FNTB: variants seen among roughly 807,000 people sequenced by gnomAD.
The protein encoded by FNTB is farnesyltransferase, CAAX box, subunit beta, also known as protein farnesyltransferase subunit beta.
In FNTB, 27 loss-of-function variants were observed where a neutral mutation model predicts 59.4. The observed-to-expected ratio is 0.45, with a 90% confidence interval of 0.34 to 0.63. The LOEUF (loss-of-function observed/expected upper bound fraction) is 0.63. FNTB is among the 20% of genes least tolerant of loss of function. The pLI, the probability that FNTB is intolerant of heterozygous loss-of-function variation, is 0.02. For synonymous variants in FNTB, 230 were observed against 220.7 expected (o/e 1.04, Z -0.37); for missense variants, 449 against 559.6 (o/e 0.80, Z 1.99).
At chr14:65,006,864 T>C (rs145805560) in intron 2 of FNTB, among the ~76,000 whole-genome samples, 53 of 152,214 alleles carry the variant, frequency 3.5e-4, no homozygotes, top group African/African-American at 1.3e-3. Context: ...GAGGAAGCAG[T>C]TGTTTTTTGA....
intron 1 of FNTB, chr14:64,987,409 G>A (rs1358818835): frequency 2.3e-6 from 1 of 437,250 alleles, no homozygotes; most frequent in South Asian, 2.4e-5. Context: ...CGTGCGGGTC[G>A]GACAGCCCAC....
At position 65,061,278 on chromosome 14, in the gene FNTB, A is replaced by G; in HGVS notation, c.1280A>G (p.Lys427Arg). 1 of 1,614,162 alleles carries G rather than the reference A, an allele frequency of 6.2e-7. No individual in the cohort carries two copies. The highest frequency in any genetic ancestry group is 8.5e-7 in the Non-Finnish European group (1 of 1,180,016). The change falls in exon 12 of 12, where the codon AAG (lysine) becomes AGG (arginine). Residue 427 changes from lysine to arginine, a missense_variant. Physicochemically the swap from Lys to Arg is conservative, Grantham distance 26. Transcript: ENST00000246166. ...CCAGTCCCAGGTTTTGAGGAGCTTA[A>G]GGATGAGACATCGGCAGAGCCTGCA... Reference protein sequence around the residue: ...QKPVPGFEELKDETSAEPATD With the variant: ...QKPVPGFEELRDETSAEPATD
chr14:65,040,390 A>G (rs1450858099), intron 7 of FNTB, among the ~76,000 whole-genome samples: 1 of 151,444 alleles, frequency 6.6e-6, no homozygotes, highest in Non-Finnish European at 1.5e-5. Flanking sequence ...TGTTTCTTAC[A>G]CAAGTAGGCT....
intron 2 of FNTB, among the ~76,000 whole-genome samples, chr14:65,008,459 C>G (rs915041680): frequency 6.6e-6 from 1 of 152,316 alleles, no homozygotes; most frequent in Non-Finnish European, 1.5e-5. Context: ...GGCTCTTGGT[C>G]TAGTGGGGGA....
intron 4 of FNTB, chr14:65,022,172 G>C (rs183227530): frequency 2.4e-6 from 1 of 425,108 alleles, no homozygotes; most frequent in Non-Finnish European, 4.8e-6. Context: ...TAGTTAGTAC[G>C]AGAACAAGCT....
At position 65,044,016 on chromosome 14, in the gene FNTB, C is replaced by T. The variant is rs548284594; in HGVS notation, c.823-295C>T. ...AGGTCTCCTTACAAACCAGCTTGGC[C>T]TCTTTATCTTCTCAGCACTGGCACT... On this transcript the variant is annotated intron_variant, in intron 8 of 11. Coordinates refer to ENST00000246166, the MANE Select transcript of FNTB (RefSeq NM_002028.4). The surrounding 1 kb of genome is among the most constrained non-coding windows in gnomAD (Gnocchi z 5.5). Among the ~76,000 whole-genome samples the T allele has an allele frequency of 2.6e-5, 4 of 152,276 alleles. No individual in the cohort carries two copies. In the South Asian group the frequency reaches 8.3e-4, roughly 32 times the overall value.
intron 2 of FNTB, among the ~76,000 whole-genome samples, chr14:65,005,449 T>TTTCC (rs2061565329): frequency 1.7e-5 from 2 of 119,814 alleles, no homozygotes; most frequent in Non-Finnish European, 3.5e-5. Flanking sequence ...TCTTCCTTTC[T>TTTCC]TTTCTTTCTT....
intron 1 of FNTB, chr14:65,003,192 T>C (rs891927367): frequency 2.6e-5 from 4 of 152,244 alleles, no homozygotes; most frequent in Admixed American, 6.5e-5. Context: ...TTTATGGGAC[T>C]GTGGAGTCCT....
At chr14:65,006,358 C>T (rs1387789568) in intron 2 of FNTB, 5 of 1,592,772 alleles carry the variant, frequency 3.1e-6, no homozygotes, top group Non-Finnish European at 4.3e-6. Context: ...CAAATCTCTG[C>T]ATTAACCCAA....
chr14:65,051,825 C>T (rs1229981849), intron 9 of FNTB, among the ~76,000 whole-genome samples: 14 of 142,878 alleles, frequency 9.8e-5, no homozygotes, highest in Middle Eastern at 3.7e-3. Flanking sequence ...GATGGAGTCT[C>T]GCTGTGTCGC....
Position 65,032,702 on chromosome 14 carries a change from A to T in FNTB, c.692+6A>T, listed in dbSNP as rs201716333. On this transcript the variant is annotated splice_donor_region_variant and intron_variant, in intron 7 of 11. Coordinates refer to ENST00000246166, the MANE Select transcript of FNTB (RefSeq NM_002028.4). This position sits in a 1 kb window ranked among gnomAD's most constrained non-coding sequence, Gnocchi z 5.0. ...ACTGCTGAATGGATAGCAAGGTGAG[A>T]GAAGCCAGGGTTTCTCCTGGCCTCT... 29 of 1,613,060 alleles carry T rather than the reference A, an allele frequency of 1.8e-5. No individual in the cohort carries two copies. In the Middle Eastern group the frequency reaches 1.8e-3, roughly 101 times the overall value.
rs191564317 is a variant in FNTB at position 64,993,933 on chromosome 14, G to A, written c.144+6836G>A. 5.6e-3 allele frequency among the ~76,000 whole-genome samples: 853 copies of A among 151,390 alleles called. 10 individuals carry two copies. The highest frequency in any genetic ancestry group is 0.019 in the African/African-American group (800 of 41,152). On this transcript the variant is annotated intron_variant, in intron 1 of 11. Coordinates refer to ENST00000246166, the MANE Select transcript of FNTB (RefSeq NM_002028.4). Reference sequence around the variant, plus strand: ...TGCAGTGGTGCGATCTCCACTCACCGTAACCTCCGCCTCCTGGGTTCAAGC... The same window carrying A: ...TGCAGTGGTGCGATCTCCACTCACCATAACCTCCGCCTCCTGGGTTCAAGC...
rs1426252910 is a variant in FNTB, at chr14:65,009,794, C to G, written c.210-2523C>G. Among the ~76,000 whole-genome samples the G allele has an allele frequency of 2.6e-5, 4 of 152,194 alleles. No individual in the cohort carries two copies. The highest frequency in any genetic ancestry group is 4.8e-5 in the African/African-American group (2 of 41,436). On this transcript the variant is annotated intron_variant, in intron 2 of 11. Coordinates refer to ENST00000246166, the MANE Select transcript of FNTB (RefSeq NM_002028.4). The surrounding 1 kb of genome is among the most constrained non-coding windows in gnomAD (Gnocchi z 4.2). ...ACTCATGTCTTTCCAGCCTTAAACT[C>G]AATGCTCTTCCCTTTGGGAAGAGTT...
intron 9 of FNTB, among the ~76,000 whole-genome samples, chr14:65,050,333 C>T (rs1374969877): frequency 2.0e-5 from 3 of 152,192 alleles, no homozygotes; most frequent in East Asian, 1.9e-4. Context: ...TGGTGGCTCA[C>T]GCCTGTAATC....
chr14:65,042,899 A>C (rs1405485545), intron 8 of FNTB, among the ~76,000 whole-genome samples: 1 of 152,146 alleles, frequency 6.6e-6, no homozygotes, highest in African/African-American at 2.4e-5. Context: ...TCAACCGAGG[A>C]TATATTAGTA....
chr14:65,060,575 A>C lies in FNTB; in HGVS notation c.1183-606A>C, dbSNP rs1435213814. Among the ~76,000 whole-genome samples the C allele has an allele frequency of 3.2e-5, 4 of 125,850 alleles. 1 individual carries two copies. Among genetic ancestry groups the C allele is most frequent in the African/African-American group, 9.1e-5 (2 of 22,098 alleles). The allele number at this position is 125,850 out of a possible 152,430, so 82.6% of individuals were successfully genotyped here. ...GCCGGGCGTAGTGGCGGGCGCCTGT[A>C]GTCCCAGCTACTTGGGAGGCTGAGG... On this transcript the variant is annotated intron_variant, in intron 11 of 11. Transcript: ENST00000246166.
At position 64,994,866 on chromosome 14, in the gene FNTB, C is replaced by T. The variant is rs193098483; in HGVS notation, c.144+7769C>T. 1.5e-3 allele frequency among the ~76,000 whole-genome samples: 226 copies of T among 152,190 alleles called. 1 individual carries two copies. Among genetic ancestry groups the T allele is most frequent in the Admixed American group, 4.5e-3 (69 of 15,288 alleles). ...TTAAGCTACACTAAATTTATTCATA[C>T]GCTTTTTTCTTTCAATAATAAATTA... On this transcript the variant is annotated intron_variant, in intron 1 of 11. Transcript: ENST00000246166. The surrounding 1 kb of genome is among the most constrained non-coding windows in gnomAD (Gnocchi z 4.2).
chr14:65,022,804 G>C (rs1463863529), intron 4 of FNTB, among the ~76,000 whole-genome samples: 1 of 151,960 alleles, frequency 6.6e-6, no homozygotes, highest in African/African-American at 2.4e-5. Context: ...CATTTTTATT[G>C]TTGTTCTTCA....
Position 65,011,237 on chromosome 14 carries a change from G to A in FNTB, c.210-1080G>A, listed in dbSNP as rs58784215. On this transcript the variant is annotated intron_variant, in intron 2 of 11. Coordinates refer to ENST00000246166, the MANE Select transcript of FNTB (RefSeq NM_002028.4). The surrounding 1 kb of genome is among the most constrained non-coding windows in gnomAD (Gnocchi z 4.0). ...GAGGTCAGGAGTTCAAGACCAGCCT[G>A]GGCAACATGGTGAAACCCCCGTCTC... 0.18 allele frequency among the ~76,000 whole-genome samples: 27,712 copies of A among 152,026 alleles called. 4,068 individuals are homozygous for A. Among genetic ancestry groups the A allele is most frequent in the African/African-American group, 0.39 (16,314 of 41,402 alleles).
Sources: allele counts gnomAD v4.1 joint callset (sites outside exome capture counted in the v4.1 genomes callset), GRCh38; gene constraint gnomAD v4.1.1; non-coding constraint Gnocchi (gnomAD v3.1); transcripts MANE v1.5; gene names NCBI Gene and HGNC (gene_info 2026-07-23, HGNC 2026-07-21).